Variants in COL11A1 observed in about 807,000 individuals in gnomAD.
COL11A1 encodes collagen type XI alpha 1 chain.
Under a neutral mutation model 265.2 loss-of-function variants are expected in COL11A1, and 74 were observed. The ratio of observed to expected loss-of-function variants is 0.28; its 90% CI spans 0.23 to 0.34. The LOEUF is 0.34. Ranked by LOEUF, COL11A1 falls within the 10% of genes least tolerant of loss-of-function variation. The pLI is 1.00. For missense variants in COL11A1, 2,165 were observed against 2,263.6 expected (o/e 0.96, Z 0.88); for synonymous variants, 816 against 727.6 (o/e 1.12, Z -1.96).
intron 1 of COL11A1, among the ~76,000 whole-genome samples, chr1:103,091,804 T>C (rs556703817): frequency 6.6e-6 from 1 of 152,106 alleles, no homozygotes; most frequent in African/African-American, 2.4e-5. Flanking sequence ...AAAAACTGCG[T>C]ATTTCATATT....
intron 4 of COL11A1, among the ~76,000 whole-genome samples, chr1:103,041,319 C>G (rs1207911356): frequency 1.3e-5 from 2 of 151,686 alleles, no homozygotes; most frequent in African/African-American, 4.8e-5. Flanking sequence ...TTTATTCCTC[C>G]AACACAATAC....
intron 24 of COL11A1, chr1:103,001,424 G>A (rs1232357157): frequency 2.2e-5 from 9 of 405,122 alleles, no homozygotes; most frequent in Admixed American, 8.2e-5. Flanking sequence ...GTGGAGATCA[G>A]GGAAAAAGAC....
rs114907117 is a variant in COL11A1 at position 103,095,147 on chromosome 1, G to A, written c.107-12175C>T. Among the ~76,000 whole-genome samples the A allele has an allele frequency of 1.4e-3, 220 of 152,118 alleles. 1 individual carries two copies. Among genetic ancestry groups the A allele is most frequent in the African/African-American group, 5.1e-3 (211 of 41,498 alleles). ...CTCTTATATTGACTATACTATGTAT[G>A]TATGTCAATACTGCATAAAATGGAA... is the stretch of plus-strand genomic sequence containing the variant. On this transcript the variant is annotated intron_variant, in intron 1 of 66. Coordinates refer to ENST00000370096, the MANE Select transcript of COL11A1 (RefSeq NM_001854.4).
chr1:103,013,239 C>T (rs1380893816), intron 13 of COL11A1, among the ~76,000 whole-genome samples: 5 of 151,854 alleles, frequency 3.3e-5, no homozygotes, highest in East Asian at 1.9e-4. Context: ...GAAAAGTGCA[C>T]GAGATGAAAA....
At position 102,914,567 on chromosome 1, in the gene COL11A1, C is replaced by T. The variant is rs546661071; in HGVS notation, c.3924+137G>A. 1.7e-5 allele frequency: 16 copies of T among 961,300 alleles called. No individual in the cohort carries two copies. The South Asian group carries it at 2.1e-4, about 12-fold the overall frequency. 59.5% of individuals were successfully genotyped at this position (961,300 alleles called of 1,614,324 possible). A position where few individuals can be genotyped will look rare whatever the true frequency, so the allele number is the denominator to read the frequency against. ...TAAAGAATTAATTCAATTGAGAATG[C>T]TTACGAATATATGAAATGATGAAAA... On this transcript the variant is annotated intron_variant, in intron 51 of 66. Coordinates refer to ENST00000370096, the MANE Select transcript of COL11A1 (RefSeq NM_001854.4).
At chr1:103,047,749 T>C (rs1378558042) in intron 4 of COL11A1, among the ~76,000 whole-genome samples, 2 of 152,166 alleles carry the variant, frequency 1.3e-5, no homozygotes, top group Non-Finnish European at 2.9e-5. Context: ...TTGTCATAGA[T>C]AGCTCTTATT....
At chr1:103,019,982 C>T (rs1666884754) in intron 9 of COL11A1, among the ~76,000 whole-genome samples, 1 of 141,626 alleles carries the variant, frequency 7.1e-6, no homozygotes, top group Non-Finnish European at 1.5e-5. Flanking sequence ...TTAATCCAGT[C>T]TATCCTTGTT....
intron 37 of COL11A1, among the ~76,000 whole-genome samples, chr1:102,966,100 T>C (rs1248256013): frequency 6.6e-6 from 1 of 152,206 alleles, no homozygotes; most frequent in Non-Finnish European, 1.5e-5. Context: ...ATTTTGAAAA[T>C]AATTCAGTCA....
chr1:103,073,435 A>G (rs12748883), intron 4 of COL11A1, among the ~76,000 whole-genome samples: 5,697 of 151,914 alleles, frequency 0.038, 119 homozygotes, highest in Middle Eastern at 0.092. Flanking sequence ...CTAATGAATA[A>G]ATAATTGTTT....
Position 102,978,879 on chromosome 1 carries a change from G to T in COL11A1, c.2690C>A (p.Thr897Asn). 6.2e-7 allele frequency: 1 copy of T among 1,614,140 alleles called. No individual in the cohort carries two copies. Among genetic ancestry groups the T allele is most frequent in the Non-Finnish European group, 8.5e-7 (1 of 1,180,012 alleles). The change falls in exon 34 of 67, where the codon ACT becomes AAT. Residue 897 changes from threonine (T) to asparagine (N), a missense_variant. Transcript: ENST00000370096. Reference sequence around the variant, plus strand: ...TGATACCTTTGGCCCAGGTTTCCCAGTGGGACCTCTTGCACCTCTTGAACC... The same window carrying T: ...TGATACCTTTGGCCCAGGTTTCCCATTGGGACCTCTTGCACCTCTTGAACC... ...PRGSRGARGPTGKPGPKGTSG... is the reference protein window; with the variant it reads ...PRGSRGARGPNGKPGPKGTSG...
chr1:102,970,268 G>C lies in COL11A1; in HGVS notation c.2813C>G (p.Pro938Arg), dbSNP rs780040764. 28 of 1,610,346 alleles carry C rather than the reference G, an allele frequency of 1.7e-5. No individual in the cohort carries two copies. Among genetic ancestry groups the C allele is most frequent in the Non-Finnish European group, 2.4e-5 (28 of 1,177,648 alleles). The change falls in exon 37 of 67, where the codon CCA becomes CGA. Residue 938 changes from proline to arginine, a missense_variant. By Grantham distance (103) the Pro-to-Arg change is moderately radical. Transcript: ENST00000370096. ...GFPGPKGPPGPPGKDGLPGHP... is the reference protein window; with the variant it reads ...GFPGPKGPPGRPGKDGLPGHP... ...TCCTGGCAGCCCATCCTTCCCAGGT[G>C]GTCCCTGAAATTACAAATATTAAAT...
At chr1:102,948,336 T>G (rs1659529422) in intron 41 of COL11A1, among the ~76,000 whole-genome samples, 1 of 152,116 alleles carries the variant, frequency 6.6e-6, no homozygotes, top group African/African-American at 2.4e-5. Flanking sequence ...TTAACCGTCC[T>G]TCCTGTAATC....
At chr1:103,082,508 A>T (rs1672495109) in intron 2 of COL11A1, among the ~76,000 whole-genome samples, 1 of 152,104 alleles carries the variant, frequency 6.6e-6, no homozygotes, top group South Asian at 2.1e-4. Flanking sequence ...TCCATATATT[A>T]TGTACAAATA....
At position 102,921,571 on chromosome 1, in the gene COL11A1, C is replaced by T; in HGVS notation, c.3655G>A (p.Gly1219Arg). The T allele has an allele frequency of 6.2e-7, 1 of 1,612,054 alleles. No individual in the cohort carries two copies. Among genetic ancestry groups the T allele is most frequent in the Non-Finnish European group, 8.5e-7 (1 of 1,179,016 alleles). Reference sequence around the variant, plus strand: ...CTTGGGCCTGGAGGACCAGGTGGCCCCTGTAAGAGAGAAATATTGAGGTTT... The same window carrying T: ...CTTGGGCCTGGAGGACCAGGTGGCCTCTGTAAGAGAGAAATATTGAGGTTT... ...KGENGDVGPM[G>R]PPGPPGPRGP... The change falls in exon 48 of 67, where the codon GGG (glycine) becomes AGG (arginine). Residue 1219 changes from glycine (G) to arginine (R), a missense_variant and splice_region_variant. Physicochemically the swap from Gly to Arg is moderately radical, Grantham distance 125 (BLOSUM62 -2). Transcript: ENST00000370096.
chr1:103,057,495 T>C (rs1670336022), intron 4 of COL11A1, among the ~76,000 whole-genome samples: 1 of 152,224 alleles, frequency 6.6e-6, no homozygotes, highest in Non-Finnish European at 1.5e-5. Context: ...TGGTGAATCT[T>C]TTCTAGAAAG....
intron 1 of COL11A1, among the ~76,000 whole-genome samples, chr1:103,086,214 A>C (rs1042248073): frequency 6.6e-6 from 1 of 152,124 alleles, no homozygotes; most frequent in African/African-American, 2.4e-5. Context: ...TATCTGCTTA[A>C]ATTATCTTAT....
At position 103,067,277 on chromosome 1, in the gene COL11A1, G is replaced by A. The variant is rs186417022; in HGVS notation, c.651+7341C>T. 2.0e-5 allele frequency among the ~76,000 whole-genome samples: 3 copies of A among 151,912 alleles called. No homozygotes were observed. In the East Asian group the frequency reaches 5.8e-4, roughly 29 times the overall value. ...AAACCTCAATAAATCTAAATGGATT[G>A]AGATCATACCAAATTTATTCTCAGA... On this transcript the variant is annotated intron_variant, in intron 4 of 66. Transcript: ENST00000370096.
chr1:102,929,754 C>T (rs1315576538), intron 46 of COL11A1, among the ~76,000 whole-genome samples: 6 of 151,960 alleles, frequency 3.9e-5, no homozygotes, highest in African/African-American at 1.2e-4. Flanking sequence ...TGTTTGTATC[C>T]TCTTTTATTT....
At chr1:103,006,359 A>G in intron 15 of COL11A1, 44 bp from the exon 16 acceptor site, 1 of 1,492,030 alleles carries the variant, frequency 6.7e-7, no homozygotes, top group Non-Finnish European at 9.3e-7. Flanking sequence ...AGAATTCTTG[A>G]TCAATAAACT....
Sources: gnomAD v4.1 joint callset for allele counts (sites outside exome capture counted in the v4.1 genomes callset) on GRCh38, gnomAD v4.1.1 for gene constraint, MANE v1.5 for transcripts, NCBI Gene and HGNC (gene_info 2026-07-23, HGNC 2026-07-21) for gene names.